ZCCHC4: variants seen among roughly 807,000 people sequenced by gnomAD.
ZCCHC4 encodes the protein rRNA N(6)-adenosine-methyltransferase ZCCHC4.
In ZCCHC4, 54 loss-of-function variants were observed where a neutral mutation model predicts 67.7. The ratio of observed to expected loss-of-function variants is 0.80; its 90% confidence interval spans 0.64 to 1.00. ZCCHC4 has a LOEUF of 1.00. Ranked by LOEUF, ZCCHC4 falls within the 50% of genes least tolerant of loss-of-function variation. The pLI is 0.00. For synonymous variants in ZCCHC4, 198 were observed against 213.5 expected, an observed-to-expected ratio of 0.93 and a Z score of 0.63; for missense variants, 609 against 617.0, an observed-to-expected ratio of 0.99 and a Z score of 0.14.
At chr4:25,323,048 C>A (rs1182105168) in intron 3 of ZCCHC4, among the ~76,000 whole-genome samples, 1 of 152,124 alleles carries the variant, frequency 6.6e-6, no homozygotes. Flanking sequence ...TTGGTTGTTC[C>A]TTTTTGTGAT....
chr4:25,350,254 C>CTTTTTTTT (rs751802021), intron 7 of ZCCHC4, among the ~76,000 whole-genome samples: 3 of 84,912 alleles, frequency 3.5e-5, no homozygotes, highest in African/African-American at 1.0e-4. Flanking sequence ...GGTACTGCTT[C>CTTTTTTTT]TTTTTTTTTT....
chr4:25,349,827 CAT>C lies in ZCCHC4; in HGVS notation c.910+186_910+187del, dbSNP rs930860501. 67 of 618,962 alleles carry C rather than the reference CAT, an allele frequency of 1.1e-4. No individual in the cohort carries two copies. The East Asian group carries it at 1.2e-3, about 11-fold the overall frequency. The allele number at this position is 618,962 out of a possible 1,614,324, so 38.3% of individuals were successfully genotyped here. A position where few individuals can be genotyped will look rare whatever the true frequency, so the allele number is the denominator to read the frequency against. ...ATGATATACTTTGTATTATTCTAAT[CAT>C]GTGGATTTTTTTAATGGCTTATAGG... On this transcript the variant is annotated intron_variant, in intron 7 of 12. Transcript: ENST00000302874.
chr4:25,363,963 C>T (rs561275174), intron 10 of ZCCHC4, among the ~76,000 whole-genome samples: 4 of 152,248 alleles, frequency 2.6e-5, no homozygotes, highest in South Asian at 2.1e-4. Flanking sequence ...GTTTGCTTTA[C>T]AATACTCATT....
At chr4:25,336,908 T>C (rs1320864703) in intron 5 of ZCCHC4, among the ~76,000 whole-genome samples, 1 of 152,220 alleles carries the variant, frequency 6.6e-6, no homozygotes, top group Non-Finnish European at 1.5e-5. Flanking sequence ...AACTGAGGCA[T>C]AAAGAGGTTA....
intron 3 of ZCCHC4, among the ~76,000 whole-genome samples, chr4:25,325,157 G>A (rs1718799573): frequency 8.3e-6 from 1 of 120,932 alleles, no homozygotes; most frequent in South Asian, 2.5e-4. Flanking sequence ...GCAGGAGAAT[G>A]GCGTGAATCC....
At position 25,369,097 on chromosome 4, in the gene ZCCHC4, T is replaced by C; in HGVS notation, c.1475T>C (p.Met492Thr). The change falls in exon 13 of 13, where the codon ATG (methionine) becomes ACG (threonine). Residue 492 changes from methionine to threonine, a missense_variant. By Grantham distance (81) the Met-to-Thr change is moderately conservative (BLOSUM62 -1). Transcript: ENST00000302874. ...MKMETTKGQS[M>T]NHTSATRRKK... ...ATGGAGACCACGAAAGGACAATCCA[T>C]GAATCATACATCTGCTACAAGGAGA... is the stretch of plus-strand genomic sequence containing the variant. 3.7e-6 allele frequency: 6 copies of C among 1,613,982 alleles called. No individual in the cohort carries two copies. The highest frequency in any genetic ancestry group is 5.1e-6 in the Non-Finnish European group (6 of 1,179,988).
intron 4 of ZCCHC4, 77 bp from the exon 5 acceptor site, chr4:25,333,831 T>G: frequency 2.0e-6 from 2 of 976,742 alleles, no homozygotes; most frequent in Non-Finnish European, 3.0e-6. Flanking sequence ...AGAACATTGA[T>G]GGTTTTGTTG....
intron 6 of ZCCHC4, 45 bp downstream of exon 6, chr4:25,345,665 A>G: frequency 7.5e-7 from 1 of 1,325,872 alleles, no homozygotes; most frequent in Middle Eastern, 1.8e-4. Flanking sequence ...ATTGTGGAAT[A>G]ACAGATTTCA....
Position 25,351,492 on chromosome 4 carries a change from A to G in ZCCHC4, c.911-97A>G. On this transcript the variant is annotated intron_variant, in intron 7 of 12. Coordinates refer to ENST00000302874, the MANE Select transcript of ZCCHC4 (RefSeq NM_024936.3). ...TTTGTATGAGATTTAAATGTGTTGAATCATTGCAATTTCTTATGCTAGCGG... is the reference window on the plus strand; with the variant it reads ...TTTGTATGAGATTTAAATGTGTTGAGTCATTGCAATTTCTTATGCTAGCGG... 5 of 763,442 alleles carry G rather than the reference A, an allele frequency of 6.5e-6. No individual in the cohort carries two copies. The South Asian group carries it at 7.3e-5, about 11-fold the overall frequency. 47.3% of individuals were successfully genotyped at this position (763,442 alleles called of 1,614,324 possible).
chr4:25,338,876 C>A (rs1719597378), intron 5 of ZCCHC4, among the ~76,000 whole-genome samples: 1 of 152,134 alleles, frequency 6.6e-6, no homozygotes, highest in Non-Finnish European at 1.5e-5. Flanking sequence ...TGTACAAATT[C>A]CATGTGAACA....
chr4:25,351,416 C>G (rs1434993296), intron 7 of ZCCHC4, among the ~76,000 whole-genome samples, 173 bp from the exon 8 acceptor site: 1 of 152,102 alleles, frequency 6.6e-6, no homozygotes, highest in East Asian at 1.9e-4. Flanking sequence ...TGTCCACTGA[C>G]CTTTGGGAAT....
At chr4:25,324,175 A>ATTT (rs113889759) in intron 3 of ZCCHC4, among the ~76,000 whole-genome samples, 71 of 142,874 alleles carry the variant, frequency 5.0e-4, no homozygotes, top group African/African-American at 1.8e-3. Context: ...TGCCTGGCTA[A>ATTT]TTTTTTTTTT....
chr4:25,313,920 G>A, intron 1 of ZCCHC4, 126 bp from the exon 2 acceptor site: 3 of 645,968 alleles, frequency 4.6e-6, no homozygotes, highest in Non-Finnish European at 8.2e-6. Flanking sequence ...CAAAGAGATG[G>A]ATTTAATTAT....
chr4:25,365,362 T>C, intron 12 of ZCCHC4, 196 bp downstream of exon 12: 1 of 1,382,080 alleles, frequency 7.2e-7, no homozygotes. Flanking sequence ...GAGCTTACAG[T>C]TCTACAGCTT....
At chr4:25,316,682 C>G (rs1456252161) in intron 3 of ZCCHC4, among the ~76,000 whole-genome samples, 2 of 152,090 alleles carry the variant, frequency 1.3e-5, no homozygotes, top group Admixed American at 1.3e-4. Flanking sequence ...GTTGTTGAGT[C>G]ACAGGAGTTC....
intron 3 of ZCCHC4, 28 bp from the exon 4 acceptor site, chr4:25,333,154 AT>A (rs1719269174): frequency 1.3e-6 from 2 of 1,591,464 alleles, no homozygotes; most frequent in Admixed American, 3.6e-5. Context: ...CTTAAAATAT[AT>A]TTCTTTGTGT....
At chr4:25,358,810 G>A (rs982238142) in intron 8 of ZCCHC4, among the ~76,000 whole-genome samples, 1 of 152,226 alleles carries the variant, frequency 6.6e-6, no homozygotes, top group African/African-American at 2.4e-5. Flanking sequence ...TCTGTAAAAG[G>A]TATAATTACC....
intron 3 of ZCCHC4, among the ~76,000 whole-genome samples, chr4:25,324,145 G>A (rs1442558546): frequency 1.3e-5 from 2 of 150,214 alleles, no homozygotes; most frequent in Non-Finnish European, 1.5e-5. Flanking sequence ...CCAAGTAGCT[G>A]GGACTACAGG....
At chr4:25,349,370 C>G (rs1416966461) in intron 6 of ZCCHC4, 122 bp from the exon 7 acceptor site, 3 of 869,854 alleles carry the variant, frequency 3.4e-6, no homozygotes, top group Non-Finnish European at 5.3e-6. Context: ...GCTGCGGTGG[C>G]AAGATGACTT....
Sources: allele counts gnomAD v4.1 joint callset (sites outside exome capture counted in the v4.1 genomes callset), GRCh38; gene constraint gnomAD v4.1.1; transcripts MANE v1.5; gene names NCBI Gene and HGNC (gene_info 2026-07-23, HGNC 2026-07-21).